The following STOX2 variants were observed in gnomAD, a reference collection of about 807,000 sequenced individuals.
STOX2 encodes the protein storkhead-box protein 2.
A neutral mutation model predicts 60.9 loss-of-function variants in STOX2; 28 were observed. The observed-to-expected ratio is 0.46, with a 90% confidence interval of 0.34 to 0.63. The LOEUF (loss-of-function observed/expected upper bound fraction) is 0.63. STOX2 is among the 30% of genes least tolerant of loss of function. The pLI is 0.01. For synonymous variants in STOX2, 472 were observed against 463.9 expected, an observed-to-expected ratio of 1.02 and a Z score of -0.22; for missense variants, 1,024 against 1,187.7, an observed-to-expected ratio of 0.86 and a Z score of 2.03.
chr4:183,820,563 T>G (rs1244980113), intron 1 of STOX2, among the ~76,000 whole-genome samples: 1 of 152,250 alleles, frequency 6.6e-6, no homozygotes, highest in Non-Finnish European at 1.5e-5. Context: ...ATTTATTCTT[T>G]ACTGTTTTAA....
At chr4:183,897,980 T>C (rs1741374888) in intron 1 of STOX2, among the ~76,000 whole-genome samples, 1 of 152,256 alleles carries the variant, frequency 6.6e-6, no homozygotes, top group African/African-American at 2.4e-5. Flanking sequence ...CTTTTTTTAA[T>C]TGAAAAGCTT....
At chr4:183,931,546 A>G (rs1467998707) in intron 1 of STOX2, among the ~76,000 whole-genome samples, 6 of 152,180 alleles carry the variant, frequency 3.9e-5, no homozygotes, top group African/African-American at 1.4e-4. Context: ...AGTGTCTAGG[A>G]ACAGTGAAAG....
At chr4:183,884,970 C>T (rs1408782637) in intron 1 of STOX2, among the ~76,000 whole-genome samples, 3 of 152,116 alleles carry the variant, frequency 2.0e-5, no homozygotes, top group South Asian at 2.1e-4. Context: ...TGTGCCTGGG[C>T]GTCGCGTCCC....
In STOX2 at chr4:184,017,434, A is replaced by G; in HGVS notation, c.*150A>G. The G allele has an allele frequency of 2.8e-6, 2 of 709,622 alleles. No individual in the cohort carries two copies. The highest frequency in any genetic ancestry group is 4.5e-6 in the Non-Finnish European group (2 of 445,692). 44.0% of individuals were successfully genotyped at this position (709,622 alleles called of 1,614,324 possible). A position where few individuals can be genotyped will look rare whatever the true frequency, so the allele number is the denominator to read the frequency against. ...GCTGCTAAGTAGGGCTAGGGCAAAAAAACAAAAAATCTTTATTTCAGAGTA... is the reference window on the plus strand; with the variant it reads ...GCTGCTAAGTAGGGCTAGGGCAAAAGAACAAAAAATCTTTATTTCAGAGTA... On this transcript the variant is annotated 3_prime_UTR_variant, in exon 4 of 4. Transcript: ENST00000308497.
rs3749534 is a variant in STOX2, at chr4:184,001,516, G to A, written c.319+39G>A. Reference sequence around the variant, plus strand: ...AACGTAGCACTTTCCAGGTGGCGGTGTGCTGTGGTCGCTCTAGGACTCACG... The same window carrying A: ...AACGTAGCACTTTCCAGGTGGCGGTATGCTGTGGTCGCTCTAGGACTCACG... On this transcript the variant is annotated intron_variant, in intron 2 of 3. Coordinates refer to ENST00000308497, the MANE Select transcript of STOX2 (RefSeq NM_020225.3). This position sits in a 1 kb window ranked among gnomAD's most constrained non-coding sequence, Gnocchi z 4.2. 689,031 of 1,603,554 alleles carry A rather than the reference G, an allele frequency of 0.43. 152,581 individuals are homozygous for A. The highest frequency in any genetic ancestry group is 0.46 in the East Asian group (20,695 of 44,678).
chr4:184,006,074 T>A (rs956459710), intron 2 of STOX2, among the ~76,000 whole-genome samples: 1 of 152,218 alleles, frequency 6.6e-6, no homozygotes, highest in African/African-American at 2.4e-5. Flanking sequence ...TTCTATACAT[T>A]AATAGCTTTA....
In STOX2 at chr4:183,800,120, C is replaced by T. The variant is rs565542917; in HGVS notation, c.364+2065C>T. Among the ~76,000 whole-genome samples the T allele has an allele frequency of 4.6e-5, 7 of 152,282 alleles. No homozygotes were observed. The South Asian group carries it at 1.2e-3, about 27-fold the overall frequency. ...AATTCCAATTTTGCTTCAGTAATGACGGTAAAATGCTGAATTGTTTGAAAG... is the reference window on the plus strand; with the variant it reads ...AATTCCAATTTTGCTTCAGTAATGATGGTAAAATGCTGAATTGTTTGAAAG... On this transcript the variant is annotated intron_variant, in intron 1 of 2. Coordinates refer to the STOX2 transcript ENST00000513034.
intron 3 of STOX2, among the ~76,000 whole-genome samples, chr4:184,016,569 CT>C (rs1470030565): frequency 8.5e-5 from 13 of 152,250 alleles, no homozygotes; most frequent in Non-Finnish European, 1.6e-4. Flanking sequence ...TTATTCCCAT[CT>C]TTGCGGCAAA....
At chr4:183,901,273 T>G (rs1003604094), upstream of STOX2, among the ~76,000 whole-genome samples, 1 of 152,248 alleles carries the variant, frequency 6.6e-6, no homozygotes, top group Non-Finnish European at 1.5e-5. Context: ...ATAGATTCCA[T>G]TATATGTATA....
intron 1 of STOX2, among the ~76,000 whole-genome samples, chr4:183,924,653 A>G (rs1043940927): frequency 4.6e-5 from 7 of 152,074 alleles, no homozygotes; most frequent in Non-Finnish European, 8.8e-5. Flanking sequence ...TTTGCATGAG[A>G]GGGAGATCGC....
At position 183,807,059 on chromosome 4, in the gene STOX2, G is replaced by C. The variant is rs1451800611; in HGVS notation, c.364+9004G>C. Among the ~76,000 whole-genome samples, 4 of 151,990 alleles carry C rather than the reference G, an allele frequency of 2.6e-5. No homozygotes were observed. The South Asian group carries it at 8.3e-4, about 32-fold the overall frequency. ...GCGATCTCGGCTCACTGCAAGCTCC[G>C]TCTCCCGGGTTCACGCCATTCTCCT... On this transcript the variant is annotated intron_variant, in intron 1 of 2. Coordinates refer to the STOX2 transcript ENST00000513034.
At chr4:183,849,915 T>C (rs1407188723) in intron 1 of STOX2, among the ~76,000 whole-genome samples, 3 of 152,176 alleles carry the variant, frequency 2.0e-5, no homozygotes, top group African/African-American at 7.2e-5. Context: ...TTTTCAGATA[T>C]AACCAGTTTC....
At chr4:183,903,344 T>TC (rs550065340), upstream of STOX2, among the ~76,000 whole-genome samples, 138 of 152,156 alleles carry the variant, frequency 9.1e-4, no homozygotes, top group African/African-American at 3.1e-3. Context: ...CACAGACTGT[T>TC]CCCCCTTTCT....
chr4:183,807,072 A>C (rs565183515), intron 1 of STOX2, among the ~76,000 whole-genome samples: 6 of 151,882 alleles, frequency 4.0e-5, no homozygotes, highest in Non-Finnish European at 7.4e-5. Context: ...TCCCGGGTTC[A>C]CGCCATTCTC....
chr4:183,989,169 G>GTTTTTTTT (rs11421201), intron 1 of STOX2, among the ~76,000 whole-genome samples: 143 of 79,612 alleles, frequency 1.8e-3, no homozygotes, highest in Non-Finnish European at 2.2e-3. Context: ...ATTTTTTCTG[G>GTTTTTTTT]TTTTTTTTTT....
chr4:183,888,772 C>G (rs557634450), intron 1 of STOX2, among the ~76,000 whole-genome samples: 1 of 152,272 alleles, frequency 6.6e-6, no homozygotes, highest in African/African-American at 2.4e-5. Flanking sequence ...TTAAACATCT[C>G]AAGTGCTACC....
chr4:183,944,765 T>A (rs557623634), intron 1 of STOX2, among the ~76,000 whole-genome samples: 12 of 152,360 alleles, frequency 7.9e-5, no homozygotes, highest in African/African-American at 2.6e-4. Context: ...ATAAATTCTT[T>A]ATTTGCCTTT....
intron 1 of STOX2, among the ~76,000 whole-genome samples, chr4:183,993,060 G>A (rs1161182998): frequency 3.9e-5 from 6 of 152,206 alleles, no homozygotes; most frequent in South Asian, 2.1e-4. Flanking sequence ...TATCAGAGAC[G>A]TCAGGAATCA....
chr4:183,839,953 T>C (rs2111129634), intron 1 of STOX2, among the ~76,000 whole-genome samples: 1 of 152,302 alleles, frequency 6.6e-6, no homozygotes, highest in South Asian at 2.1e-4. Flanking sequence ...GTTCTTCCTT[T>C]TGTAAAATGT....
Sources: allele counts gnomAD v4.1 joint callset (sites outside exome capture counted in the v4.1 genomes callset), GRCh38; gene constraint gnomAD v4.1.1; non-coding constraint Gnocchi (gnomAD v3.1); transcripts MANE v1.5; gene names NCBI Gene and HGNC (gene_info 2026-07-23, HGNC 2026-07-21).